Variants in RELL1 observed in about 807,000 individuals in gnomAD.
RELL1 encodes RELT-like protein 1.
Under a neutral mutation model 23.0 loss-of-function variants are expected in RELL1, and 10 were observed. The observed-to-expected ratio is 0.43, with a 90% CI of 0.27 to 0.74. The LOEUF (loss-of-function observed/expected upper bound fraction) is 0.74. Among genes scored for constraint, RELL1 ranks in the 30% least tolerant of loss-of-function variants. The pLI is 0.19. For missense variants in RELL1, 315 were observed against 364.4 expected (o/e 0.86, Z 1.10); for synonymous variants, 146 against 146.8 (o/e 0.99, Z 0.04).
At chr4:37,684,214 C>T (rs2109321728) in intron 1 of RELL1, among the ~76,000 whole-genome samples, 1 of 152,350 alleles carries the variant, frequency 6.6e-6, no homozygotes, top group South Asian at 2.1e-4. Flanking sequence ...TTAACACCAT[C>T]TTTGGTTGCA....
chr4:37,658,997 T>C (rs1369532641), intron 1 of RELL1, among the ~76,000 whole-genome samples: 3 of 152,326 alleles, frequency 2.0e-5, no homozygotes, highest in South Asian at 2.1e-4. Flanking sequence ...CAGCTCGCCT[T>C]ATGCAGGTCA....
At chr4:37,619,258 C>A (rs2109241235) in intron 6 of RELL1, among the ~76,000 whole-genome samples, 1 of 151,974 alleles carries the variant, frequency 6.6e-6, no homozygotes, top group Non-Finnish European at 1.5e-5. Flanking sequence ...TCTCGGCTCA[C>A]TGCAACCTCC....
intron 3 of RELL1, among the ~76,000 whole-genome samples, chr4:37,645,240 C>T (rs1720671574): frequency 6.6e-6 from 1 of 152,222 alleles, no homozygotes; most frequent in South Asian, 2.1e-4. Context: ...CAAAGGCCTG[C>T]AAGCTCCCCA....
intron 6 of RELL1, among the ~76,000 whole-genome samples, chr4:37,593,775 A>G (rs901379399): frequency 1.3e-5 from 2 of 152,198 alleles, no homozygotes; most frequent in Non-Finnish European, 2.9e-5. Flanking sequence ...GCTGGTTTCA[A>G]AAGATTGGAA....
In RELL1 at chr4:37,611,820, A is replaced by T. The variant is rs1219809917; in HGVS notation, c.*1526T>A. On this transcript the variant is annotated 3_prime_UTR_variant, in exon 7 of 7. Coordinates refer to ENST00000454158, the MANE Select transcript of RELL1 (RefSeq NM_001085400.2). ...ATAATGAGCATTAGTTACAGGATGAAAAACAGGAAATACACAAAGAAAAAC... is the reference window on the plus strand; with the variant it reads ...ATAATGAGCATTAGTTACAGGATGATAAACAGGAAATACACAAAGAAAAAC... 1.3e-5 allele frequency among the ~76,000 whole-genome samples: 2 copies of T among 152,194 alleles called. No individual in the cohort carries two copies. The highest frequency in any genetic ancestry group is 3.8e-4 in the East Asian group (2 of 5,202).
chr4:37,634,297 G>A (rs776897423), intron 5 of RELL1, among the ~76,000 whole-genome samples: 6 of 152,256 alleles, frequency 3.9e-5, no homozygotes, highest in Admixed American at 3.9e-4. Flanking sequence ...GACACTGGAG[G>A]GCTGTGGACC....
At chr4:37,616,930 A>G (rs1269409470) in intron 6 of RELL1, among the ~76,000 whole-genome samples, 1 of 152,222 alleles carries the variant, frequency 6.6e-6, no homozygotes, top group Admixed American at 6.5e-5. Flanking sequence ...ATCTTGGCAG[A>G]TATCGATTAA....
chr4:37,669,363 G>A (rs1193517441), intron 1 of RELL1, among the ~76,000 whole-genome samples: 2 of 145,778 alleles, frequency 1.4e-5, no homozygotes, highest in African/African-American at 2.6e-5. Flanking sequence ...GGGAGGTGGG[G>A]GGGTCAGTCC....
chr4:37,593,889 C>G (rs1718734704), intron 6 of RELL1, among the ~76,000 whole-genome samples: 1 of 152,098 alleles, frequency 6.6e-6, no homozygotes, highest in South Asian at 2.1e-4. Flanking sequence ...TTGATAACTC[C>G]AAACCGGACG....
downstream of RELL1, among the ~76,000 whole-genome samples, chr4:37,607,918 C>A (rs1274962974): frequency 1.3e-5 from 2 of 152,138 alleles, no homozygotes; most frequent in Non-Finnish European, 2.9e-5. Flanking sequence ...AGCATGTGCT[C>A]ACTCATGTCC....
chr4:37,665,339 T>A (rs1273154289), intron 1 of RELL1: 1 of 453,610 alleles, frequency 2.2e-6, no homozygotes, highest in Non-Finnish European at 4.4e-6. Flanking sequence ...TATACCAGCA[T>A]GCTCCTGGGT....
At chr4:37,686,151 C>G in intron 1 of RELL1, 49 bp downstream of exon 1, 1 of 1,493,800 alleles carries the variant, frequency 6.7e-7, no homozygotes, top group Non-Finnish European at 9.0e-7. Flanking sequence ...TTCCGCGCTC[C>G]CGGGACCGGG....
intron 1 of RELL1, among the ~76,000 whole-genome samples, chr4:37,663,609 G>C (rs1189691389): frequency 6.6e-6 from 1 of 152,158 alleles, no homozygotes. Flanking sequence ...GCATCTGTAA[G>C]GAAGCATCTC....
intron 2 of RELL1, among the ~76,000 whole-genome samples, chr4:37,647,649 T>C (rs1032237121): frequency 8.5e-5 from 13 of 152,174 alleles, no homozygotes; most frequent in Admixed American, 8.5e-4. Flanking sequence ...TCCATCTATC[T>C]CTTCTGAAGT....
chr4:37,650,864 G>A (rs1443422454), intron 1 of RELL1, among the ~76,000 whole-genome samples: 1 of 151,408 alleles, frequency 6.6e-6, no homozygotes, highest in African/African-American at 2.4e-5. Context: ...TTCAAGACCA[G>A]CCTGGGCAAC....
At chr4:37,677,646 T>C (rs1722063237) in intron 1 of RELL1, among the ~76,000 whole-genome samples, 1 of 152,198 alleles carries the variant, frequency 6.6e-6, no homozygotes. Context: ...TGCTCTACCC[T>C]ACACATTAGG....
At position 37,614,078 on chromosome 4, in the gene RELL1, C is replaced by T. The variant is rs547741047; in HGVS notation, c.*4-736G>A. On this transcript the variant is annotated intron_variant, in intron 6 of 6. Transcript: ENST00000454158. ...CCCACCTGCCAAAATCATGTGTACCCTATAAACACTAAACAAAACCAGAGA... is the reference window on the plus strand; with the variant it reads ...CCCACCTGCCAAAATCATGTGTACCTTATAAACACTAAACAAAACCAGAGA... Among the ~76,000 whole-genome samples the T allele has an allele frequency of 4.6e-5, 7 of 152,224 alleles. No individual in the cohort carries two copies. In the South Asian group the frequency reaches 1.5e-3, roughly 32 times the overall value.
chr4:37,673,671 T>C (rs1250103311), intron 1 of RELL1, among the ~76,000 whole-genome samples: 3 of 152,204 alleles, frequency 2.0e-5, no homozygotes, highest in Non-Finnish European at 4.4e-5. Flanking sequence ...TCTGCCTCCC[T>C]ACCACCTACA....
chr4:37,587,891 C>T (rs977169272), downstream of RELL1, among the ~76,000 whole-genome samples: 1 of 152,138 alleles, frequency 6.6e-6, no homozygotes, highest in African/African-American at 2.4e-5. Flanking sequence ...ATCGCTTGAA[C>T]CTGGGAGGCA....
Sources: allele counts gnomAD v4.1 joint callset (sites outside exome capture counted in the v4.1 genomes callset), GRCh38; gene constraint gnomAD v4.1.1; transcripts MANE v1.5; gene names NCBI Gene and HGNC (gene_info 2026-07-23, HGNC 2026-07-21).